ARAP1: variants seen among roughly 807,000 people sequenced by gnomAD.
ARAP1 encodes ArfGAP with RhoGAP domain, ankyrin repeat and PH domain 1, also known as arf-GAP with Rho-GAP domain, ANK repeat and PH domain-containing protein 1.
Under a neutral mutation model 172.2 loss-of-function variants are expected in ARAP1, and 76 were observed. The ratio of observed to expected loss-of-function variants is 0.44; its 90% confidence interval spans 0.37 to 0.53. ARAP1 has a LOEUF of 0.53. Among genes scored for constraint, ARAP1 ranks in the 20% least tolerant of loss-of-function variants. ARAP1 has a pLI of 0.00. For missense variants in ARAP1, 1,686 were observed against 1,977.5 expected (o/e 0.85, Z 2.80); for synonymous variants, 804 against 803.3 (o/e 1.00, Z -0.01).
intron 3 of ARAP1, among the ~76,000 whole-genome samples, chr11:72,721,124 C>G (rs1166815526): frequency 6.6e-6 from 1 of 152,158 alleles, no homozygotes; most frequent in Non-Finnish European, 1.5e-5. Flanking sequence ...CCGCTGGGCC[C>G]TATGGAAAAG....
chr11:72,698,120 G>T lies in ARAP1; in HGVS notation c.2542-14C>A. 1 of 1,573,852 alleles carries T rather than the reference G, an allele frequency of 6.4e-7. No individual in the cohort carries two copies. On this transcript the variant is annotated splice_polypyrimidine_tract_variant and intron_variant, in intron 18 of 34. Transcript: ENST00000393609. ...AGGCACGAATGCCTGGCAGAGAGGC[G>T]CCGGGGGAGACAGCATCAGCCAACG...
Position 72,701,714 on chromosome 11 carries a change from T to C in ARAP1, c.2237A>G (p.His746Arg). Residue 746 changes from histidine (H) to arginine (R), a missense_variant, in exon 16 of 35, where the codon CAC (histidine) becomes CGC (arginine). This residue lies in a region of ARAP1 where 688 missense variants were observed against 856.9 expected (regional missense o/e 0.80). Coordinates refer to ENST00000393609, the MANE Select transcript of ARAP1 (RefSeq NM_001040118.3). ...HYSVVLPTVS[H>R]SGFLYKTASA... Reference sequence around the variant, plus strand: ...GGCAGTCTTGTAGAGGAAGCCACTGTGGCTCACGGTCGGCAGGACAACTGA... The same window carrying C: ...GGCAGTCTTGTAGAGGAAGCCACTGCGGCTCACGGTCGGCAGGACAACTGA... 6.2e-7 allele frequency: 1 copy of C among 1,614,008 alleles called. No homozygotes were observed.
intron 22 of ARAP1, 53 bp from the exon 23 acceptor site, chr11:72,696,707 C>CT: frequency 6.8e-7 from 1 of 1,462,954 alleles, no homozygotes; most frequent in Non-Finnish European, 9.3e-7. Flanking sequence ...ATCTTCCCCC[C>CT]ACCCCGCCTG....
intron 22 of ARAP1, 47 bp from the exon 23 acceptor site, chr11:72,696,701 T>TC: frequency 6.7e-7 from 1 of 1,483,082 alleles, no homozygotes; most frequent in Non-Finnish European, 9.1e-7. Context: ...GTAACTATCT[T>TC]CCCCCCACCC....
At chr11:72,748,909 C>A (rs979179488) in intron 1 of ARAP1, among the ~76,000 whole-genome samples, 2 of 152,192 alleles carry the variant, frequency 1.3e-5, no homozygotes, top group African/African-American at 4.8e-5. Context: ...GTGGGGCATG[C>A]ACATTGGATG....
Position 72,696,416 on chromosome 11 carries a change from T to C in ARAP1, c.3272+133A>G. 8 of 636,622 alleles carry C rather than the reference T, an allele frequency of 1.3e-5. No homozygotes were observed. In the South Asian group the frequency reaches 1.3e-4, roughly 11 times the overall value. 39.4% of individuals were successfully genotyped at this position (636,622 alleles called of 1,614,324 possible). Reference sequence around the variant, plus strand: ...GGAACCCTGCTCTACAAATATCCAATGTTAGGGCAGATCACAGTCAGCACT... The same window carrying C: ...GGAACCCTGCTCTACAAATATCCAACGTTAGGGCAGATCACAGTCAGCACT... On this transcript the variant is annotated intron_variant, in intron 23 of 34. Transcript: ENST00000393609.
At chr11:72,685,830 A>G (rs1294479961) in intron 34 of ARAP1, 149 bp from the exon 35 acceptor site, 1 of 1,348,576 alleles carries the variant, frequency 7.4e-7, no homozygotes, top group Non-Finnish European at 1.0e-6. Flanking sequence ...AGGGCCAGGC[A>G]GAGGGGACTC....
Position 72,712,281 on chromosome 11 carries a change from G to A in ARAP1, c.937C>T (p.His313Tyr). The A allele has an allele frequency of 6.3e-7, 1 of 1,596,900 alleles. No homozygotes were observed. The highest frequency in any genetic ancestry group is 8.5e-7 in the Non-Finnish European group (1 of 1,170,858). Residue 313 changes from histidine to tyrosine, a missense_variant, in exon 7 of 35, where the codon CAC becomes TAC. By Grantham distance (83) the His-to-Tyr change is moderately conservative (BLOSUM62 2). Around this residue, in one of 5 missense-constraint regions of ARAP1, gnomAD observed 688 missense variants for 856.9 expected, o/e 0.80. Transcript: ENST00000393609. ...LSLPSTIAAP[H>Y]PMDGPPGGST... The stretch of plus-strand genomic sequence containing the variant: ...CCCCCAGGCGGCCCGTCCATGGGGT[G>A]TGGCGCAGCTATTGTGCTGGGCAAG...
Position 72,710,018 on chromosome 11 carries a change from G to A in ARAP1, c.1417-42C>T, listed in dbSNP as rs1336925641. The A allele has an allele frequency of 3.2e-6, 5 of 1,558,878 alleles. No homozygotes were observed. The highest frequency in any genetic ancestry group is 2.2e-5 in the East Asian group (1 of 44,540). On this transcript the variant is annotated intron_variant, in intron 10 of 34. Transcript: ENST00000393609. This position sits in a 1 kb window ranked among gnomAD's most constrained non-coding sequence, Gnocchi z 4.3. ...ACGGGATGAGGGCAAGGCTTTGGGG[G>A]CAGGGCGTGAGGCTTGGGACAGGGA...
chr11:72,720,481 A>G (rs1857461927), intron 3 of ARAP1, among the ~76,000 whole-genome samples: 1 of 152,128 alleles, frequency 6.6e-6, no homozygotes, highest in African/African-American at 2.4e-5. Flanking sequence ...ACTTCTGCAC[A>G]AGCCGGGAGC....
At chr11:72,688,940 T>C (rs1855810261) in intron 30 of ARAP1, 1 of 183,380 alleles carries the variant, frequency 5.5e-6, no homozygotes, top group African/African-American at 2.4e-5. Context: ...AACGAGCGGG[T>C]GTGATCAGAG....
At chr11:72,704,613 G>A (rs2135525477) in intron 13 of ARAP1, 1 of 404,436 alleles carries the variant, frequency 2.5e-6, no homozygotes, top group South Asian at 3.8e-5. Context: ...GGTCCCAGGG[G>A]CCTTGCTGCT....
At chr11:72,712,928 G>A (rs1170607177) in intron 5 of ARAP1, 14 of 598,342 alleles carry the variant, frequency 2.3e-5, no homozygotes, top group Non-Finnish European at 3.9e-5. Flanking sequence ...AGGGTGGGGG[G>A]AGGCCACATG....
rs1231023160 is a variant in ARAP1 at position 72,693,767 on chromosome 11, G to A, written c.3733C>T (p.Leu1245=). Reference sequence around the variant, plus strand: ...TGGCTGTCCGTGCCCAGCCCGTGCAGGATGGGCAGCACCTTCTCCGCAAAG... The same window carrying A: ...TGGCTGTCCGTGCCCAGCCCGTGCAAGATGGGCAGCACCTTCTCCGCAAAG... ...LHFAEKVLPI[L]HGLGTDSHLV... is the part of the protein sequence containing the mutation. The change falls in exon 28 of 35, where the codon CTG becomes TTG. Residue 1245 remains leucine (L), a synonymous_variant. Transcript: ENST00000393609. The surrounding 1 kb of genome is among the most constrained non-coding windows in gnomAD (Gnocchi z 4.6). 2 of 1,609,536 alleles carry A rather than the reference G, an allele frequency of 1.2e-6. No homozygotes were observed. Among genetic ancestry groups the A allele is most frequent in the Non-Finnish European group, 1.7e-6 (2 of 1,178,010 alleles).
At chr11:72,697,568 T>C (rs761002387) in intron 20 of ARAP1, 30 bp downstream of exon 20, 3 of 1,613,830 alleles carry the variant, frequency 1.9e-6, no homozygotes, top group Admixed American at 1.7e-5. Flanking sequence ...TCCAGCCTTC[T>C]CAGAGCCCCT....
intron 14 of ARAP1, chr11:72,703,415 G>GGGCGC: frequency 7.4e-6 from 1 of 134,786 alleles, no homozygotes; most frequent in Non-Finnish European, 1.6e-5. Context: ...AGCCGGGGGG[G>GGGCGC]GGGTGTGCTT....
In ARAP1 at chr11:72,686,177, C is replaced by T. The variant is rs1565206818; in HGVS notation, c.4200G>A (p.Val1400=). The change falls in exon 34 of 35, where the codon GTG becomes GTA. Residue 1400 remains valine, a synonymous_variant. Coordinates refer to ENST00000393609, the MANE Select transcript of ARAP1 (RefSeq NM_001040118.3). ...TFLFVQHDGL[V]WPSEPSRVSR... is the part of the protein sequence containing the mutation. ...ACACGCGTGAGGGCTCTGAGGGCCA[C>T]ACCAGGCCGTCATGCTGGGGAGCAG... The T allele has an allele frequency of 2.5e-6, 4 of 1,612,588 alleles. No homozygotes were observed. The highest frequency in any genetic ancestry group is 3.4e-6 in the Non-Finnish European group (4 of 1,179,026).
At chr11:72,717,985 C>G (rs1857353224) in intron 3 of ARAP1, among the ~76,000 whole-genome samples, 2 of 152,148 alleles carry the variant, frequency 1.3e-5, no homozygotes, top group Non-Finnish European at 2.9e-5. Context: ...ACATCACTGC[C>G]CTGCCCACGG....
In ARAP1 at chr11:72,697,184, C is replaced by A. The variant is rs367648910; in HGVS notation, c.2965G>T (p.Glu989Ter). The A allele has an allele frequency of 1.3e-6, 2 of 1,598,412 alleles. No individual in the cohort carries two copies. Among genetic ancestry groups the A allele is most frequent in the Non-Finnish European group, 1.7e-6 (2 of 1,177,810 alleles). The stretch of plus-strand genomic sequence containing the variant: ...TGCCCACACTTGCGGTAGATGCCCT[C>A]GGAGGTCAGGCCTAGGGAGGGGCGG... ...DYITQCGLTS[E>*]GIYRKCGQTS... Residue 989 changes from glutamate (E) to a stop codon, truncating the protein, a stop_gained, in exon 22 of 35, where the codon GAG becomes TAG. Coordinates refer to ENST00000393609, the MANE Select transcript of ARAP1 (RefSeq NM_001040118.3). LOFTEE classifies it high-confidence loss of function.
Sources: allele counts gnomAD v4.1 joint callset (sites outside exome capture counted in the v4.1 genomes callset), GRCh38; gene constraint gnomAD v4.1.1; regional missense constraint gnomAD v4.1.1; non-coding constraint Gnocchi (gnomAD v3.1); transcripts MANE v1.5; gene names NCBI Gene and HGNC (gene_info 2026-07-23, HGNC 2026-07-21).